Variants in TMEM245 observed in about 807,000 individuals in gnomAD.
TMEM245 encodes protein CG-2.
TMEM245 carries 69 observed loss-of-function variants against 101.2 expected under a neutral mutation model. The observed-to-expected ratio is 0.68, with a 90% confidence interval of 0.56 to 0.83. The LOEUF is 0.83. TMEM245 is among the 40% of genes least tolerant of loss of function. TMEM245 has a pLI of 0.00. For synonymous variants in TMEM245, 537 were observed against 449.8 expected (o/e 1.19, Z -2.45); for missense variants, 1,075 against 1,092.8 (o/e 0.98, Z 0.23).
Position 109,050,278 on chromosome 9 carries a change from C to G in TMEM245, c.2123+5G>C. ...AAATAAGAATAGCATAAACCTTATC[C>G]CTACCTGATAGCTTCTTCCACAGAC... On this transcript the variant is annotated splice_donor_5th_base_variant and intron_variant, in intron 14 of 17. Transcript: ENST00000374586. 1 of 1,613,800 alleles carries G rather than the reference C, an allele frequency of 6.2e-7. No homozygotes were observed.
intron 14 of TMEM245, among the ~76,000 whole-genome samples, chr9:109,039,612 C>T (rs187138454): frequency 3.4e-4 from 51 of 152,002 alleles, no homozygotes; most frequent in Admixed American, 2.4e-3. Context: ...ACATCTGAGA[C>T]GCACCAGAAT....
intron 1 of TMEM245, among the ~76,000 whole-genome samples, chr9:109,114,388 C>T (rs185632952): frequency 1.3e-5 from 2 of 152,284 alleles, no homozygotes; most frequent in East Asian, 3.9e-4. Flanking sequence ...GACTAACGTC[C>T]ACTGCTGAAG....
chr9:109,021,262 G>A (rs1827612801), intron 17 of TMEM245, among the ~76,000 whole-genome samples: 1 of 152,144 alleles, frequency 6.6e-6, no homozygotes, highest in Non-Finnish European at 1.5e-5. Flanking sequence ...AAATGGCCAG[G>A]TCAGAATTTA....
chr9:109,044,181 A>G (rs1404060105), intron 14 of TMEM245, among the ~76,000 whole-genome samples: 6 of 152,028 alleles, frequency 3.9e-5, no homozygotes, highest in Non-Finnish European at 7.4e-5. Flanking sequence ...TTAGCTCTCA[A>G]CCCTCTCTTT....
chr9:109,088,492 G>A (rs939029467), intron 5 of TMEM245, among the ~76,000 whole-genome samples: 5 of 151,944 alleles, frequency 3.3e-5, no homozygotes, highest in Non-Finnish European at 7.4e-5. Flanking sequence ...AACAGCATTT[G>A]ACACACAGTT....
chr9:109,105,498 T>C (rs1332785268), intron 3 of TMEM245, among the ~76,000 whole-genome samples: 2 of 152,322 alleles, frequency 1.3e-5, no homozygotes, highest in African/African-American at 4.8e-5. Flanking sequence ...ATTCTACTCA[T>C]AGGTAAACAA....
intron 9 of TMEM245, among the ~76,000 whole-genome samples, chr9:109,072,339 T>C (rs373282006): frequency 1.3e-5 from 2 of 152,352 alleles, no homozygotes; most frequent in African/African-American, 4.8e-5. Context: ...GTTAAAGATA[T>C]GCTGTTTGAG....
intron 3 of TMEM245, among the ~76,000 whole-genome samples, chr9:109,103,905 G>A (rs1394989611): frequency 6.6e-6 from 1 of 151,812 alleles, no homozygotes; most frequent in Non-Finnish European, 1.5e-5. Flanking sequence ...GGCCAACATG[G>A]TGAAACCCCA....
At chr9:109,067,593 A>G (rs1295266653) in intron 9 of TMEM245, among the ~76,000 whole-genome samples, 1 of 152,228 alleles carries the variant, frequency 6.6e-6, no homozygotes, top group African/African-American at 2.4e-5. Flanking sequence ...GAACCATTTC[A>G]GTGCCATCTC....
At chr9:109,021,961 TA>T (rs1588011899) in intron 17 of TMEM245, among the ~76,000 whole-genome samples, 1 of 152,164 alleles carries the variant, frequency 6.6e-6, no homozygotes, top group African/African-American at 2.4e-5. Flanking sequence ...TACAATCACC[TA>T]AAAACTCATA....
intron 3 of TMEM245, 51 bp downstream of exon 3, chr9:109,106,457 C>T: frequency 8.3e-7 from 1 of 1,202,014 alleles, no homozygotes; most frequent in Non-Finnish European, 1.2e-6. Context: ...TAAAAAGCTA[C>T]TCTCCAAAAT....
chr9:109,065,694 G>A (rs117808614), intron 9 of TMEM245, among the ~76,000 whole-genome samples: 1,544 of 152,190 alleles, frequency 0.01, 11 homozygotes, highest in Non-Finnish European at 0.013. Context: ...ATATGTTCAC[G>A]TATTATCTAA....
intron 17 of TMEM245, 121 bp from the exon 18 acceptor site, chr9:109,020,626 G>T (rs1827592509): frequency 1.3e-5 from 11 of 879,752 alleles, no homozygotes; most frequent in Non-Finnish European, 1.8e-5. Flanking sequence ...TTTTCATTGA[G>T]TATTGTTTCA....
Position 109,108,565 on chromosome 9 carries a change from C to T in TMEM245, c.585G>A (p.Trp195Ter). 6.3e-7 allele frequency: 1 copy of T among 1,591,212 alleles called. No individual in the cohort carries two copies. Among genetic ancestry groups the T allele is most frequent in the Non-Finnish European group, 8.5e-7 (1 of 1,171,618 alleles). ...TCAACACATAGCCAACCACCAACGT[C>T]CAGATCTTAAATAAATGAAAGACAC... is the stretch of plus-strand genomic sequence containing the variant. ...GLDYFSSLWI[W>*]TLVVGYVLTV... The change falls in exon 2 of 18, where the codon TGG becomes TGA. Residue 195 changes from tryptophan (W) to a stop codon, truncating the protein, a stop_gained. Coordinates refer to ENST00000374586, the MANE Select transcript of TMEM245 (RefSeq NM_032012.4). LOFTEE classifies it high-confidence loss of function.
intron 5 of TMEM245, among the ~76,000 whole-genome samples, chr9:109,090,671 C>G (rs1829972804): frequency 1.3e-5 from 2 of 149,550 alleles, no homozygotes; most frequent in Non-Finnish European, 2.9e-5. Context: ...TTGCAGTGAG[C>G]TGAGATGGTG....
intron 12 of TMEM245, 33 bp from the exon 13 acceptor site, chr9:109,050,725 A>G (rs1187938486): frequency 4.3e-6 from 7 of 1,610,554 alleles, no homozygotes; most frequent in Non-Finnish European, 5.9e-6. Flanking sequence ...TATCAGAACC[A>G]ATCCTCATGA....
At chr9:109,030,193 A>G (rs576782660) in intron 17 of TMEM245, among the ~76,000 whole-genome samples, 1 of 152,326 alleles carries the variant, frequency 6.6e-6, no homozygotes, top group African/African-American at 2.4e-5. Flanking sequence ...AAAATAATAC[A>G]GGGTCAAAAA....
intron 17 of TMEM245, among the ~76,000 whole-genome samples, chr9:109,031,869 C>G (rs1301811265): frequency 6.6e-6 from 1 of 152,168 alleles, no homozygotes; most frequent in Non-Finnish European, 1.5e-5. Flanking sequence ...GATAACAGTA[C>G]TTTTTATTTT....
rs185157461 is a variant in TMEM245 at position 109,054,691 on chromosome 9, G to A, written c.1854+2500C>T. ...CTAAGAAATGTTGAGTTCTCTAGAG[G>A]ATGAAATACAGTTTGAAAGATAATA... is the stretch of plus-strand genomic sequence containing the variant. On this transcript the variant is annotated intron_variant, in intron 12 of 17. Coordinates refer to ENST00000374586, the MANE Select transcript of TMEM245 (RefSeq NM_032012.4). Among the ~76,000 whole-genome samples the A allele has an allele frequency of 5.7e-4, 87 of 152,244 alleles. No individual in the cohort carries two copies. The East Asian group carries it at 0.016, about 28-fold the overall frequency.
Sources: gnomAD v4.1 joint callset for allele counts (sites outside exome capture counted in the v4.1 genomes callset) on GRCh38, gnomAD v4.1.1 for gene constraint, MANE v1.5 for transcripts, NCBI Gene and HGNC (gene_info 2026-07-23, HGNC 2026-07-21) for gene names.